The following RORA variants were observed in gnomAD, a reference collection of about 807,000 sequenced individuals.
RORA encodes the protein nuclear receptor ROR-alpha.
A neutral mutation model predicts 69.5 loss-of-function variants in RORA; 7 were observed. The observed-to-expected ratio is 0.10, with a 90% CI of 0.06 to 0.19. The LOEUF is 0.19. Ranked by LOEUF, RORA falls within the 10% of genes least tolerant of loss-of-function variation. RORA has a pLI of 1.00. For synonymous variants in RORA, 261 were observed against 240.8 expected, an observed-to-expected ratio of 1.08 and a Z score of -0.78; for missense variants, 457 against 663.0, an observed-to-expected ratio of 0.69 and a Z score of 3.41.
chr15:60,576,964 A>G (rs904026101), intron 2 of RORA, among the ~76,000 whole-genome samples: 1 of 152,248 alleles, frequency 6.6e-6, no homozygotes, highest in Non-Finnish European at 1.5e-5. Flanking sequence ...ATTTTTGCTA[A>G]TATAGGTTGC....
At chr15:60,995,109 G>T (rs1001261606) in intron 1 of RORA, among the ~76,000 whole-genome samples, 2 of 152,344 alleles carry the variant, frequency 1.3e-5, no homozygotes, top group African/African-American at 4.8e-5. Context: ...AAGAGGCATG[G>T]CAGTGGAGAC....
chr15:60,970,590 G>A (rs939683826), intron 1 of RORA, among the ~76,000 whole-genome samples: 5 of 152,224 alleles, frequency 3.3e-5, no homozygotes, highest in African/African-American at 1.2e-4. Flanking sequence ...AGAGGAAATA[G>A]GAACTTGGTT....
chr15:60,977,949 A>G (rs554393641), intron 1 of RORA, among the ~76,000 whole-genome samples: 1 of 152,298 alleles, frequency 6.6e-6, no homozygotes, highest in African/African-American at 2.4e-5. Context: ...ATGTGGACAT[A>G]TGTTTTCAAT....
In RORA at chr15:60,793,469, A is replaced by G. The variant is rs542086704; in HGVS notation, c.167-114783T>C. Among the ~76,000 whole-genome samples, 4 of 152,346 alleles carry G rather than the reference A, an allele frequency of 2.6e-5. No homozygotes were observed. The South Asian group carries it at 6.2e-4, about 24-fold the overall frequency. ...AAACTGCAATGCCCAATGCAGACAG[A>G]GGTAAGGTGGTTTGATTATCCCAAC... On this transcript the variant is annotated intron_variant, in intron 1 of 10. Transcript: ENST00000335670.
chr15:60,860,633 C>T (rs1352529357), intron 1 of RORA, among the ~76,000 whole-genome samples: 1 of 152,142 alleles, frequency 6.6e-6, no homozygotes, highest in Non-Finnish European at 1.5e-5. Context: ...GAAAGTGAAA[C>T]AAAAATCCTG....
rs76404266 is a variant in RORA, at chr15:61,227,462, C to A, written c.166+1591G>T. Reference sequence around the variant, plus strand: ...CGCTGAAACCGCGGTTCGCCGCGGTCACCCTTTGGAAATCGCCTTTAATTA... The same window carrying A: ...CGCTGAAACCGCGGTTCGCCGCGGTAACCCTTTGGAAATCGCCTTTAATTA... On this transcript the variant is annotated intron_variant, in intron 1 of 10. Transcript: ENST00000335670. 3.7e-3 allele frequency among the ~76,000 whole-genome samples: 557 copies of A among 152,216 alleles called. 2 individuals carry two copies. The highest frequency in any genetic ancestry group is 0.012 in the African/African-American group (518 of 41,522).
chr15:60,525,938 A>G (rs2066339647), intron 3 of RORA, among the ~76,000 whole-genome samples: 1 of 152,130 alleles, frequency 6.6e-6, no homozygotes, highest in Non-Finnish European at 1.5e-5. Context: ...AGGGGGAAAA[A>G]GAGGATAACT....
intron 1 of RORA, among the ~76,000 whole-genome samples, chr15:61,001,160 A>T (rs962325904): frequency 2.0e-5 from 3 of 152,202 alleles, no homozygotes; most frequent in Non-Finnish European, 1.5e-5. Flanking sequence ...CCCAAGTTGC[A>T]GTCTCATCAC....
At chr15:61,093,265 T>C (rs1595977893) in intron 1 of RORA, among the ~76,000 whole-genome samples, 1 of 152,366 alleles carries the variant, frequency 6.6e-6, no homozygotes, top group Non-Finnish European at 1.5e-5. Flanking sequence ...TTCCTATTAC[T>C]GTGTTCCTAC....
intron 3 of RORA, among the ~76,000 whole-genome samples, chr15:60,517,014 T>G (rs2065982565): frequency 6.7e-6 from 1 of 150,042 alleles, no homozygotes; most frequent in Non-Finnish European, 1.5e-5. Context: ...CACCCATATA[T>G]TTACTATAAA....
chr15:61,125,544 A>G (rs1425330948), intron 1 of RORA, among the ~76,000 whole-genome samples: 1 of 152,260 alleles, frequency 6.6e-6, no homozygotes, highest in Non-Finnish European at 1.5e-5. Flanking sequence ...GTTAGATCAC[A>G]ATGAATATGT....
At chr15:60,932,458 T>C (rs2140501722) in intron 1 of RORA, among the ~76,000 whole-genome samples, 1 of 152,330 alleles carries the variant, frequency 6.6e-6, no homozygotes, top group Middle Eastern at 3.4e-3. Context: ...ATCAAATAAG[T>C]AACAGGTATG....
chr15:60,945,231 A>C (rs1892835330), intron 1 of RORA, among the ~76,000 whole-genome samples: 1 of 152,208 alleles, frequency 6.6e-6, no homozygotes, highest in Admixed American at 6.5e-5. Context: ...CATGGGAAAG[A>C]ACAGGAACTC....
At chr15:60,915,390 G>C (rs1233675033) in intron 1 of RORA, among the ~76,000 whole-genome samples, 1 of 152,126 alleles carries the variant, frequency 6.6e-6, no homozygotes, top group South Asian at 2.1e-4. Flanking sequence ...TGATTCCACT[G>C]GGGGGGCACA....
At chr15:61,163,291 C>T (rs1288559899) in intron 1 of RORA, among the ~76,000 whole-genome samples, 1 of 152,180 alleles carries the variant, frequency 6.6e-6, no homozygotes, top group Non-Finnish European at 1.5e-5. Context: ...CTAAGAGGAT[C>T]CGTGTTCCAG....
intron 1 of RORA, among the ~76,000 whole-genome samples, chr15:60,912,378 C>A (rs1033428839): frequency 2.0e-5 from 3 of 152,010 alleles, no homozygotes; most frequent in Admixed American, 1.3e-4. Context: ...GCTATGATTG[C>A]ACCACTCTAT....
chr15:61,195,277 A>G (rs1027908123), intron 1 of RORA, among the ~76,000 whole-genome samples: 1 of 152,076 alleles, frequency 6.6e-6, no homozygotes, highest in African/African-American at 2.4e-5. Flanking sequence ...TGCATTAAAC[A>G]AGATTCATAC....
chr15:60,545,705 ATC>A (rs1360491159), intron 2 of RORA, among the ~76,000 whole-genome samples: 2 of 152,302 alleles, frequency 1.3e-5, no homozygotes, highest in Admixed American at 6.5e-5. Context: ...TTTAAAGTGA[ATC>A]TGTTATTTTC....
At chr15:61,138,871 C>T (rs1446452848) in intron 1 of RORA, among the ~76,000 whole-genome samples, 1 of 152,194 alleles carries the variant, frequency 6.6e-6, no homozygotes, top group African/African-American at 2.4e-5. Context: ...ACAGGCCGGG[C>T]GCAGTGGCTC....
Sources: allele counts gnomAD v4.1 joint callset (sites outside exome capture counted in the v4.1 genomes callset), GRCh38; gene constraint gnomAD v4.1.1; transcripts MANE v1.5; gene names NCBI Gene and HGNC (gene_info 2026-07-23, HGNC 2026-07-21).